Variants in L3HYPDH observed in about 807,000 individuals in gnomAD.
L3HYPDH encodes trans-3-hydroxy-L-proline dehydratase.
A neutral mutation model predicts 26.5 loss-of-function variants in L3HYPDH; 32 were observed. The ratio of observed to expected loss-of-function variants is 1.21; its 90% CI spans 0.91 to 1.62. The LOEUF is 1.62. L3HYPDH is among the 40% of genes most tolerant of loss of function. The pLI is 0.00. For synonymous variants in L3HYPDH, 215 were observed against 196.6 expected (o/e 1.09, Z -0.78); for missense variants, 554 against 476.4 (o/e 1.16, Z -1.52).
the L3HYPDH span, among the ~76,000 whole-genome samples, chr14:59,500,236 T>C: frequency 6.6e-6 from 1 of 152,200 alleles, no homozygotes; most frequent in South Asian, 2.1e-4. Flanking sequence ...TTCAGTTCTT[T>C]AGTAAGTTGG....
rs140992865 is a variant in L3HYPDH, at chr14:59,475,893, T to C, written c.915A>G (p.Ser305=). The C allele has an allele frequency of 6.2e-7, 1 of 1,613,352 alleles. No individual in the cohort carries two copies. The highest frequency in any genetic ancestry group is 8.5e-7 in the Non-Finnish European group (1 of 1,179,824). The change falls in exon 4 of 5, where the codon TCA becomes TCG. Residue 305 remains serine, a synonymous_variant. Coordinates refer to ENST00000247194, the MANE Select transcript of L3HYPDH (RefSeq NM_144581.2). ...CCCTCACAGCTTTCCCTGTGAATAC[T>C]GAGCCAGTTGCACTGCTTTTGAAGG... ...MRAFKSSATG[S]VFTGKAVREA... is the part of the protein sequence containing the mutation.
chr14:59,500,983 C>T, the L3HYPDH span: 1 of 497,538 alleles, frequency 2.0e-6, no homozygotes, highest in Non-Finnish European at 3.5e-6. Flanking sequence ...GTAATCGAGA[C>T]AGAGAAATGC....
chr14:59,504,368 G>T, the L3HYPDH span: 2 of 331,154 alleles, frequency 6.0e-6, no homozygotes, highest in Non-Finnish European at 1.1e-5. Context: ...ATGTTTCTGT[G>T]TACCTAGCAA....
intron 1 of L3HYPDH, among the ~76,000 whole-genome samples, chr14:59,481,602 G>A (rs1016642389): frequency 3.9e-5 from 6 of 152,204 alleles, no homozygotes; most frequent in African/African-American, 1.4e-4. Context: ...GATTTAGTGA[G>A]CACCTACTAT....
At chr14:59,484,797 G>A, upstream of L3HYPDH, 1 of 897,134 alleles carries the variant, frequency 1.1e-6, no homozygotes, top group Non-Finnish European at 1.7e-6. Context: ...GGGGAGGCGC[G>A]CTGTCTGCGG....
chr14:59,495,612 T>A, the L3HYPDH span, among the ~76,000 whole-genome samples: 3 of 152,220 alleles, frequency 2.0e-5, no homozygotes, highest in South Asian at 6.2e-4. Context: ...AAATTCTGTA[T>A]GCAATTATGC....
upstream of L3HYPDH, among the ~76,000 whole-genome samples, chr14:59,486,239 T>A (rs968416231): frequency 5.3e-5 from 8 of 152,220 alleles, no homozygotes; most frequent in Non-Finnish European, 1.2e-4. Flanking sequence ...AATTATGTTC[T>A]CTCTGCTTTT....
chr14:59,479,557 T>C (rs1384985476), intron 1 of L3HYPDH, among the ~76,000 whole-genome samples: 6 of 152,222 alleles, frequency 3.9e-5, no homozygotes, highest in East Asian at 1.9e-4. Context: ...AACTTGATGA[T>C]TGCAGAAGTT....
chr14:59,483,877 G>A lies in L3HYPDH; in HGVS notation c.440C>T (p.Ala147Val). The A allele has an allele frequency of 6.3e-7, 1 of 1,576,338 alleles. No homozygotes were observed. The highest frequency in any genetic ancestry group is 8.6e-7 in the Non-Finnish European group (1 of 1,168,282). ...TCCGTGGCTGCGGCCGTCCTCGCAT[G>A]CCACGAAGGCGGTCACCAGCCCGCA... ...CPCGLVTAFV[A>V]CEDGRSHGPV... Residue 147 changes from alanine (A) to valine (V), a missense_variant, in exon 1 of 5, where the codon GCA becomes GTA. By Grantham distance (64) the Ala-to-Val change is moderately conservative. Coordinates refer to ENST00000247194, the MANE Select transcript of L3HYPDH (RefSeq NM_144581.2).
rs559446538 is a variant in L3HYPDH, at chr14:59,483,794, G to A, written c.508+15C>T. 5.0e-6 allele frequency: 8 copies of A among 1,589,952 alleles called. No homozygotes were observed. In the South Asian group the frequency reaches 6.7e-5, roughly 13 times the overall value. ...TTGCAGCTCTGCCCTGGGCTGGAAA[G>A]GTCCCGCCCATTACCTGTGGCCAGC... On this transcript the variant is annotated intron_variant, in intron 1 of 4. Transcript: ENST00000247194.
At chr14:59,489,397 G>A (rs138477091), upstream of L3HYPDH, among the ~76,000 whole-genome samples, 8 of 152,360 alleles carry the variant, frequency 5.3e-5, no homozygotes, top group East Asian at 1.5e-3. Flanking sequence ...CTAGGGCATA[G>A]TATGGATGAC....
chr14:59,504,323 C>G, the L3HYPDH span: 84 of 452,548 alleles, frequency 1.9e-4, 2 homozygotes, highest in South Asian at 2.4e-3. Flanking sequence ...GCCCTTGCTT[C>G]TCTCAACAGT....
At chr14:59,499,264 G>T in the L3HYPDH span, among the ~76,000 whole-genome samples, 1 of 151,512 alleles carries the variant, frequency 6.6e-6, no homozygotes, top group Admixed American at 6.6e-5. Context: ...CTGACCTCAT[G>T]ATCTGCCCAC....
chr14:59,479,689 C>T (rs186187126), intron 1 of L3HYPDH, among the ~76,000 whole-genome samples: 1 of 152,248 alleles, frequency 6.6e-6, no homozygotes, highest in Admixed American at 6.5e-5. Flanking sequence ...CCTGTGAACA[C>T]TAAGAAGGAA....
rs1441420263 is a variant in L3HYPDH, at chr14:59,484,163, G to C, written c.154C>G (p.Arg52Gly). The change falls in exon 1 of 5, where the codon CGC becomes GGC. Residue 52 changes from arginine (R) to glycine (G), a missense_variant. Physicochemically the swap from Arg to Gly is moderately radical, Grantham distance 125. Transcript: ENST00000247194. Reference sequence around the variant, plus strand: ...TGGTCAAGGTGCTGGCGCATGTAGCGCCGCTTGGCCAGCAGGGTGGGCCCA... The same window carrying C: ...TGGTCAAGGTGCTGGCGCATGTAGCCCCGCTTGGCCAGCAGGGTGGGCCCA... ...VSGPTLLAKR[R>G]YMRQHLDHVR... is the part of the protein sequence containing the mutation. 6.2e-7 allele frequency: 1 copy of C among 1,600,354 alleles called. No individual in the cohort carries two copies. Among genetic ancestry groups the C allele is most frequent in the Admixed American group, 1.7e-5 (1 of 59,884 alleles).
chr14:59,501,196 G>A, the L3HYPDH span: 84 of 1,578,726 alleles, frequency 5.3e-5, no homozygotes, highest in Middle Eastern at 3.3e-4. Context: ...TTCAGATTAC[G>A]CCTTCCCATA....
the L3HYPDH span, chr14:59,498,656 TA>T: frequency 1.1e-6 from 1 of 870,970 alleles, no homozygotes; most frequent in Non-Finnish European, 1.7e-6. Flanking sequence ...CTCTTTCATT[TA>T]AAAATGATCA....
chr14:59,503,617 C>T, the L3HYPDH span, among the ~76,000 whole-genome samples: 330 of 152,260 alleles, frequency 2.2e-3, 1 homozygote, highest in African/African-American at 6.9e-3. Flanking sequence ...GACATGATGA[C>T]GTAGCTTTCG....
In L3HYPDH at chr14:59,479,218, A is replaced by G. The variant is rs201446423; in HGVS notation, c.642T>C (p.Asp214=). ...ICSAKTRDLV[D]AASAVTEAVK... ...CTGCCTCTGTCACTGCACTCGCTGCATCCACAAGGTCCCTGGTCTTTGCAG... is the reference window on the plus strand; with the variant it reads ...CTGCCTCTGTCACTGCACTCGCTGCGTCCACAAGGTCCCTGGTCTTTGCAG... The change falls in exon 2 of 5, where the codon GAT becomes GAC. Residue 214 remains aspartate (D), a synonymous_variant. Coordinates refer to ENST00000247194, the MANE Select transcript of L3HYPDH (RefSeq NM_144581.2). 6.2e-7 allele frequency: 1 copy of G among 1,611,386 alleles called. No homozygotes were observed. Among genetic ancestry groups the G allele is most frequent in the East Asian group, 2.2e-5 (1 of 44,786 alleles).
Sources: gnomAD v4.1 joint callset for allele counts (sites outside exome capture counted in the v4.1 genomes callset) on GRCh38, gnomAD v4.1.1 for gene constraint, MANE v1.5 for transcripts, NCBI Gene and HGNC (gene_info 2026-07-23, HGNC 2026-07-21) for gene names.